The following HK1 variants were observed in gnomAD, a reference collection of about 807,000 sequenced individuals.
The protein encoded by HK1 is hexokinase-1.
HK1 carries 28 observed loss-of-function variants against 91.6 expected under a neutral mutation model. That is an observed-to-expected ratio of 0.31 (90% CI 0.23 to 0.42). HK1 has a LOEUF of 0.42. Ranked by LOEUF, HK1 falls within the 10% of genes least tolerant of loss-of-function variation. The pLI is 1.00. For synonymous variants in HK1, 430 were observed against 468.1 expected (o/e 0.92, Z 1.05); for missense variants, 770 against 1,219.8 (o/e 0.63, Z 5.49).
Position 69,380,632 on chromosome 10 carries a change from T to G in HK1, c.1265+537T>G, listed in dbSNP as rs1379416797. ...GACTTTACTTTTTTAAATGGGCAGC[T>G]TGTCTGTGCTTGGCCTCTGAGAGCT... is the stretch of plus-strand genomic sequence containing the variant. On this transcript the variant is annotated intron_variant, in intron 9 of 17. Coordinates refer to ENST00000359426, the MANE Select transcript of HK1 (RefSeq NM_000188.3). This position sits in a 1 kb window ranked among gnomAD's most constrained non-coding sequence, Gnocchi z 4.0. 6.6e-6 allele frequency among the ~76,000 whole-genome samples: 1 copy of G among 152,176 alleles called. No homozygotes were observed. Among genetic ancestry groups the G allele is most frequent in the Admixed American group, 6.5e-5 (1 of 15,280 alleles).
intron 14 of HK1, among the ~76,000 whole-genome samples, chr10:69,391,689 A>G (rs935510974): frequency 2.6e-5 from 4 of 152,344 alleles, no homozygotes; most frequent in South Asian, 2.1e-4. Flanking sequence ...ATGATAGAAG[A>G]TAATCCCCTA....
rs367708131 is a variant in HK1, at chr10:69,338,226, C to T, written c.64-5601C>T. ...AGCAAGAGCGCCCGCCCTGTGCAGC[C>T]GGTCTGGCTACCCTCATAGGAAGGG... On this transcript the variant is annotated intron_variant, in intron 1 of 17. Coordinates refer to ENST00000359426, the MANE Select transcript of HK1 (RefSeq NM_000188.3). 8.2e-5 allele frequency: 91 copies of T among 1,109,128 alleles called. No individual in the cohort carries two copies. The East Asian group carries it at 2.2e-3, about 27-fold the overall frequency. 68.7% of individuals were successfully genotyped at this position (1,109,128 alleles called of 1,614,324 possible).
intron 16 of HK1, 148 bp from the exon 17 acceptor site, chr10:69,398,447 C>T (rs779276467): frequency 5.7e-6 from 4 of 697,758 alleles, no homozygotes; most frequent in Non-Finnish European, 1.0e-5. Context: ...TTGCCAAATT[C>T]TCCACAGTTT....
chr10:69,362,479 G>A (rs765910835), intron 3 of HK1, among the ~76,000 whole-genome samples: 5 of 151,438 alleles, frequency 3.3e-5, no homozygotes, highest in African/African-American at 7.3e-5. Context: ...AGTTCAGAGC[G>A]GTTAGGTGAC....
At chr10:69,336,505 TA>T (rs57732029) in intron 1 of HK1, among the ~76,000 whole-genome samples, 2,171 of 147,218 alleles carry the variant, frequency 0.015, 47 homozygotes, top group African/African-American at 0.05. Context: ...ATTGCATCTT[TA>T]AAAAAAAAAA....
intron 2 of HK1, among the ~76,000 whole-genome samples, chr10:69,355,068 C>CAAAAAA (rs775908068): frequency 5.9e-5 from 5 of 85,200 alleles, no homozygotes; most frequent in Non-Finnish European, 9.4e-5. Context: ...GACTCCCTCT[C>CAAAAAA]AAAAAAAAAA....
chr10:69,349,012 T>C (rs1396464961), intron 2 of HK1, among the ~76,000 whole-genome samples: 1 of 152,152 alleles, frequency 6.6e-6, no homozygotes, highest in Non-Finnish European at 1.5e-5. Context: ...TGTTGTTTAA[T>C]GAGCTTTCTC....
chr10:69,338,913 C>T (rs1045689265), intron 1 of HK1, among the ~76,000 whole-genome samples: 1 of 152,156 alleles, frequency 6.6e-6, no homozygotes, highest in African/African-American at 2.4e-5. Flanking sequence ...GACCAAGAGT[C>T]AGCCTTTCTT....
upstream of HK1, among the ~76,000 whole-genome samples, chr10:69,315,448 G>T (rs1391129326): frequency 6.6e-6 from 1 of 152,156 alleles, no homozygotes; most frequent in Admixed American, 6.5e-5. Context: ...CACAGTAAAT[G>T]AGTAGAGAGA....
chr10:69,364,403 A>G (rs1196981909), intron 3 of HK1, among the ~76,000 whole-genome samples: 1 of 151,970 alleles, frequency 6.6e-6, no homozygotes, highest in Non-Finnish European at 1.5e-5. Context: ...GCGGGGCGGG[A>G]AGGCCACTCC....
At chr10:69,341,922 T>A (rs1848310730) in intron 1 of HK1, among the ~76,000 whole-genome samples, 1 of 151,850 alleles carries the variant, frequency 6.6e-6, no homozygotes, top group Non-Finnish European at 1.5e-5. Context: ...CCTAGGTGGG[T>A]GGATCACTTG....
At chr10:69,339,483 T>C (rs1422777840) in intron 1 of HK1, among the ~76,000 whole-genome samples, 1 of 152,152 alleles carries the variant, frequency 6.6e-6, no homozygotes, top group Non-Finnish European at 1.5e-5. Flanking sequence ...CTGAGAGGGG[T>C]TGTACCTCAT....
intron 13 of HK1, among the ~76,000 whole-genome samples, chr10:69,388,891 C>G (rs1839769179): frequency 6.6e-6 from 1 of 152,112 alleles, no homozygotes; most frequent in Middle Eastern, 3.2e-3. Context: ...CTTTAAACTC[C>G]AAAGGGAAGA....
At chr10:69,357,477 G>T (rs1849189472) in intron 2 of HK1, among the ~76,000 whole-genome samples, 1 of 152,064 alleles carries the variant, frequency 6.6e-6, no homozygotes, top group African/African-American at 2.4e-5. Flanking sequence ...TTGAGACAGG[G>T]CCTCGCTCTG....
At chr10:69,304,846 C>T (rs756237834) in intron 5 of HK1, among the ~76,000 whole-genome samples, 16 of 152,152 alleles carry the variant, frequency 1.1e-4, no homozygotes, top group African/African-American at 2.9e-4. Context: ...TTGTTTGCAG[C>T]GTTCGGTTCC....
At chr10:69,322,797 G>A (rs1283760957) in intron 1 of HK1, among the ~76,000 whole-genome samples, 1 of 151,980 alleles carries the variant, frequency 6.6e-6, no homozygotes, top group Admixed American at 6.6e-5. Context: ...GGCTGAGGCC[G>A]GAGAATCACT....
At chr10:69,276,600 A>C (rs1844487274) in intron 1 of HK1, among the ~76,000 whole-genome samples, 1 of 152,102 alleles carries the variant, frequency 6.6e-6, no homozygotes, top group Non-Finnish European at 1.5e-5. Context: ...CGGAGGTTGC[A>C]GTGAGCTGAG....
At chr10:69,311,639 C>A (rs1239468726), upstream of HK1, among the ~76,000 whole-genome samples, 1 of 152,036 alleles carries the variant, frequency 6.6e-6, no homozygotes, top group African/African-American at 2.4e-5. Flanking sequence ...GGATACAATT[C>A]TTTCTTTTTT....
chr10:69,391,353 A>G (rs1261512921), intron 14 of HK1, among the ~76,000 whole-genome samples: 7 of 152,272 alleles, frequency 4.6e-5, no homozygotes, highest in Non-Finnish European at 7.3e-5. Flanking sequence ...TCGAGAAAAG[A>G]TAAGTGGGGC....
Sources: gnomAD v4.1 joint callset for allele counts (sites outside exome capture counted in the v4.1 genomes callset) on GRCh38, gnomAD v4.1.1 for gene constraint, Gnocchi (gnomAD v3.1) non-coding constraint, MANE v1.5 for transcripts, NCBI Gene and HGNC (gene_info 2026-07-23, HGNC 2026-07-21) for gene names.